Variants in LRP1B observed in about 807,000 individuals in gnomAD.
LRP1B encodes LDL receptor related protein 1B.
LRP1B carries 217 observed loss-of-function variants against 556.6 expected under a neutral mutation model. The ratio of observed to expected loss-of-function variants is 0.39; its 90% CI spans 0.35 to 0.44. The LOEUF (loss-of-function observed/expected upper bound fraction) is 0.44, where lower values mean the gene tolerates loss of function less well. Among genes scored for constraint, LRP1B ranks in the 20% least tolerant of loss-of-function variants. The probability of loss-of-function intolerance (pLI) is 1.00; values close to 1 mark genes in which losing one functional copy is unlikely to be tolerated. For missense variants in LRP1B, 5,053 were observed against 5,620.8 expected, an observed-to-expected ratio of 0.90 and a Z score of 3.23; for synonymous variants, 2,047 against 1,865.8, an observed-to-expected ratio of 1.10 and a Z score of -2.50.
chr2:140,436,956 T>G (rs188228069), intron 66 of LRP1B, among the ~76,000 whole-genome samples: 66 of 152,246 alleles, frequency 4.3e-4, no homozygotes, highest in South Asian at 6.2e-4. Flanking sequence ...TAAAAGTGGG[T>G]AGAAGTTAGA....
chr2:141,690,690 A>G (rs982156163), intron 2 of LRP1B, among the ~76,000 whole-genome samples: 3 of 151,164 alleles, frequency 2.0e-5, no homozygotes, highest in African/African-American at 7.3e-5. Context: ...GCACTCTGAT[A>G]CCAAACTCTG....
At chr2:140,962,976 G>C (rs929255881) in intron 18 of LRP1B, among the ~76,000 whole-genome samples, 4 of 152,102 alleles carry the variant, frequency 2.6e-5, no homozygotes, top group Admixed American at 6.6e-5. Context: ...AAAAAACGCT[G>C]CAGGGAAATA....
intron 3 of LRP1B, among the ~76,000 whole-genome samples, chr2:141,377,412 C>A (rs369647694): frequency 2.0e-5 from 3 of 151,862 alleles, no homozygotes; most frequent in African/African-American, 7.2e-5. Context: ...AATATGCTTT[C>A]TTTCTTTTCA....
At chr2:140,323,318 T>TAACA (rs1680259901) in intron 81 of LRP1B, among the ~76,000 whole-genome samples, 1 of 151,998 alleles carries the variant, frequency 6.6e-6, no homozygotes, top group Non-Finnish European at 1.5e-5. Context: ...GGAGGGAGAC[T>TAACA]AACAATAAGT....
intron 1 of LRP1B, among the ~76,000 whole-genome samples, chr2:141,908,339 TA>T (rs1474671253): frequency 6.6e-6 from 1 of 152,064 alleles, no homozygotes; most frequent in African/African-American, 2.4e-5. Context: ...CTGTCTTTGT[TA>T]AATAATTAAA....
At chr2:140,857,888 C>A (rs925618969) in intron 27 of LRP1B, among the ~76,000 whole-genome samples, 5 of 151,942 alleles carry the variant, frequency 3.3e-5, no homozygotes, top group African/African-American at 9.7e-5. Flanking sequence ...GATGACATGT[C>A]TATCTGGTAT....
At chr2:140,349,093 C>T (rs1319874281) in intron 77 of LRP1B, among the ~76,000 whole-genome samples, 1 of 152,058 alleles carries the variant, frequency 6.6e-6, no homozygotes, top group African/African-American at 2.4e-5. Context: ...GAGCTCAGCT[C>T]CCTCACTAGC....
intron 3 of LRP1B, among the ~76,000 whole-genome samples, chr2:141,435,025 C>T (rs1279981490): frequency 6.6e-6 from 1 of 152,036 alleles, no homozygotes; most frequent in African/African-American, 2.4e-5. Context: ...AGTGTTTTCC[C>T]CCTCATATTC....
chr2:140,792,637 A>G (rs1275224876), intron 32 of LRP1B, among the ~76,000 whole-genome samples: 1 of 152,194 alleles, frequency 6.6e-6, no homozygotes, highest in Non-Finnish European at 1.5e-5. Flanking sequence ...GTCATGATGG[A>G]GAAGTTTCTG....
chr2:140,720,646 A>T (rs1055173307), intron 35 of LRP1B, among the ~76,000 whole-genome samples: 6 of 152,038 alleles, frequency 3.9e-5, no homozygotes, highest in African/African-American at 1.2e-4. Context: ...AGAAAAAGGA[A>T]ATAAAAGTGT....
intron 3 of LRP1B, among the ~76,000 whole-genome samples, chr2:141,359,231 A>T (rs900472425): frequency 6.6e-6 from 1 of 151,292 alleles, no homozygotes; most frequent in Non-Finnish European, 1.5e-5. Context: ...AGAAAAGCAG[A>T]AGAAATAAAA....
At chr2:140,659,981 C>A (rs1008938566) in intron 41 of LRP1B, among the ~76,000 whole-genome samples, 5 of 151,744 alleles carry the variant, frequency 3.3e-5, no homozygotes, top group Admixed American at 3.3e-4. Flanking sequence ...TGTTTTCAGG[C>A]AATATTAGGA....
intron 27 of LRP1B, among the ~76,000 whole-genome samples, chr2:140,852,037 C>A (rs1421682135): frequency 6.6e-6 from 1 of 152,150 alleles, no homozygotes; most frequent in Non-Finnish European, 1.5e-5. Context: ...CCTATTGCTT[C>A]GAGGTAGTGG....
chr2:140,976,032 C>T (rs917706310), intron 18 of LRP1B, among the ~76,000 whole-genome samples: 2 of 151,980 alleles, frequency 1.3e-5, no homozygotes, highest in Non-Finnish European at 2.9e-5. Flanking sequence ...ATCATACCAC[C>T]TTAGCCTCCC....
At chr2:141,975,486 C>T (rs1019003796) in intron 1 of LRP1B, among the ~76,000 whole-genome samples, 18 of 152,030 alleles carry the variant, frequency 1.2e-4, no homozygotes, top group Admixed American at 7.2e-4. Flanking sequence ...CAGAACAGAC[C>T]GTATAAATGG....
rs552327553 is a variant in LRP1B at position 141,800,887 on chromosome 2, GT to G, written c.205+9391del. Reference sequence around the variant, plus strand: ...CTGCTGATTGATTGAATGGTTTCTAGTTTTTGTAAATAAAAAGCATTTATAT... The same window carrying G: ...CTGCTGATTGATTGAATGGTTTCTAGTTTTGTAAATAAAAAGCATTTATAT... On this transcript the variant is annotated intron_variant, in intron 2 of 90. Coordinates refer to ENST00000389484, the MANE Select transcript of LRP1B (RefSeq NM_018557.3). Among the ~76,000 whole-genome samples the G allele has an allele frequency of 2.0e-5, 3 of 152,254 alleles. No individual in the cohort carries two copies. In the South Asian group the frequency reaches 6.2e-4, roughly 32 times the overall value.
At chr2:141,845,523 A>C (rs1697615343) in intron 1 of LRP1B, among the ~76,000 whole-genome samples, 1 of 151,966 alleles carries the variant, frequency 6.6e-6, no homozygotes, top group Non-Finnish European at 1.5e-5. Flanking sequence ...TCCTAGAGGG[A>C]GGGAAGCAGA....
intron 41 of LRP1B, among the ~76,000 whole-genome samples, chr2:140,673,704 C>T (rs1370246750): frequency 6.6e-6 from 1 of 152,082 alleles, no homozygotes; most frequent in Non-Finnish European, 1.5e-5. Flanking sequence ...AATGAATGGA[C>T]CCCCTTCTCA....
chr2:141,830,002 A>G (rs1697061809), intron 1 of LRP1B, among the ~76,000 whole-genome samples: 1 of 151,950 alleles, frequency 6.6e-6, no homozygotes, highest in African/African-American at 2.4e-5. Flanking sequence ...AACAAAAAAG[A>G]ATGAAAATGA....
Sources: allele counts gnomAD v4.1 joint callset (sites outside exome capture counted in the v4.1 genomes callset), GRCh38; gene constraint gnomAD v4.1.1; transcripts MANE v1.5; gene names NCBI Gene and HGNC (gene_info 2026-07-23, HGNC 2026-07-21).